The following GRIK2 variants were observed in gnomAD, a reference collection of about 807,000 sequenced individuals.
GRIK2 encodes glutamate ionotropic receptor kainate type subunit 2, also known as glutamate receptor ionotropic, kainate 2.
GRIK2 carries 32 observed loss-of-function variants against 100.3 expected under a neutral mutation model. The observed-to-expected ratio is 0.32, with a 90% CI of 0.24 to 0.43. The LOEUF is 0.43. Among genes scored for constraint, GRIK2 ranks in the 20% least tolerant of loss-of-function variants. The probability of loss-of-function intolerance (pLI) is 1.00; values close to 1 mark genes in which losing one functional copy is unlikely to be tolerated. For synonymous variants in GRIK2, 417 were observed against 389.4 expected (o/e 1.07, Z -0.83); for missense variants, 843 against 1,114.9 (o/e 0.76, Z 3.47).
At chr6:101,626,664 C>T in intron 4 of GRIK2, 27 bp downstream of exon 4, 1 of 1,591,820 alleles carries the variant, frequency 6.3e-7, no homozygotes, top group Non-Finnish European at 8.6e-7. Flanking sequence ...TCTTTTGGAG[C>T]TATGCTTTAA....
intron 4 of GRIK2, among the ~76,000 whole-genome samples, chr6:101,664,374 A>G (rs776340857): frequency 4.6e-5 from 7 of 152,220 alleles, no homozygotes; most frequent in Non-Finnish European, 1.0e-4. Context: ...CAGCTCTTAT[A>G]TCAGTCGCTA....
chr6:101,732,174 A>G (rs1775316238), intron 7 of GRIK2, among the ~76,000 whole-genome samples: 1 of 151,986 alleles, frequency 6.6e-6, no homozygotes, highest in Admixed American at 6.6e-5. Flanking sequence ...CATCAAACTT[A>G]ATATTTCACA....
chr6:101,825,591 A>G (rs902366396), intron 10 of GRIK2, among the ~76,000 whole-genome samples: 4 of 149,026 alleles, frequency 2.7e-5, no homozygotes, highest in African/African-American at 5.1e-5. Context: ...ATTAACTACC[A>G]TGATGAAGAC....
intron 7 of GRIK2, among the ~76,000 whole-genome samples, chr6:101,794,626 C>T (rs1234835330): frequency 6.7e-6 from 1 of 148,824 alleles, no homozygotes; most frequent in Non-Finnish European, 1.5e-5. Context: ...TCATTAATAT[C>T]CTGATTTTTT....
intron 14 of GRIK2, among the ~76,000 whole-genome samples, chr6:101,965,980 C>T (rs1792646321): frequency 6.6e-6 from 1 of 151,440 alleles, no homozygotes; most frequent in East Asian, 1.9e-4. Context: ...CTTTGTAATC[C>T]ACATTAGATA....
chr6:101,998,513 G>A (rs1183593740), intron 14 of GRIK2, among the ~76,000 whole-genome samples: 2 of 151,832 alleles, frequency 1.3e-5, no homozygotes, highest in Non-Finnish European at 2.9e-5. Flanking sequence ...GTTTCGGATT[G>A]TGTTTTTGTT....
intron 15 of GRIK2, among the ~76,000 whole-genome samples, chr6:102,046,143 T>C (rs535343432): frequency 6.6e-6 from 1 of 152,172 alleles, no homozygotes; most frequent in East Asian, 1.9e-4. Flanking sequence ...GACATAATAA[T>C]TGTAAATATA....
At chr6:101,480,101 G>A (rs1772449427) in intron 2 of GRIK2, among the ~76,000 whole-genome samples, 1 of 152,128 alleles carries the variant, frequency 6.6e-6, no homozygotes, top group African/African-American at 2.4e-5. Context: ...ATGGTGAGTG[G>A]GGAAAGGTTA....
intron 12 of GRIK2, among the ~76,000 whole-genome samples, chr6:101,894,608 G>A (rs1787320534): frequency 6.6e-6 from 1 of 151,590 alleles, no homozygotes. Flanking sequence ...TATGATTATA[G>A]AGATGGCAGT....
At chr6:101,862,059 T>A (rs1784763950) in intron 11 of GRIK2, among the ~76,000 whole-genome samples, 1 of 152,192 alleles carries the variant, frequency 6.6e-6, no homozygotes, top group Non-Finnish European at 1.5e-5. Flanking sequence ...GTAAACAGTT[T>A]CCTTTTTTTA....
At chr6:101,597,758 A>G (rs1299176505) in intron 2 of GRIK2, among the ~76,000 whole-genome samples, 1 of 151,730 alleles carries the variant, frequency 6.6e-6, no homozygotes, top group Non-Finnish European at 1.5e-5. Flanking sequence ...TCCATTTCAA[A>G]GCAAGGACGT....
chr6:101,561,137 A>G (rs1206965756), intron 2 of GRIK2, among the ~76,000 whole-genome samples: 1 of 152,204 alleles, frequency 6.6e-6, no homozygotes, highest in African/African-American at 2.4e-5. Flanking sequence ...AAGAATATAA[A>G]AAAAGTCTCT....
chr6:101,547,053 G>T (rs796894674), intron 2 of GRIK2, among the ~76,000 whole-genome samples: 1 of 151,256 alleles, frequency 6.6e-6, no homozygotes, highest in Non-Finnish European at 1.5e-5. Context: ...GGATGGTCTC[G>T]ATCTCTTGAC....
In GRIK2 at chr6:101,571,877, A is replaced by G. The variant is rs538983421; in HGVS notation, c.116-50072A>G. 4.6e-5 allele frequency among the ~76,000 whole-genome samples: 7 copies of G among 152,290 alleles called. No individual in the cohort carries two copies. The South Asian group carries it at 1.4e-3, about 32-fold the overall frequency. ...ATCTATACATAACCATGCAGAACATATCTGTATATAACAAAATCTCATGCA... is the reference window on the plus strand; with the variant it reads ...ATCTATACATAACCATGCAGAACATGTCTGTATATAACAAAATCTCATGCA... On this transcript the variant is annotated intron_variant, in intron 2 of 16. Transcript: ENST00000369134.
intron 12 of GRIK2, among the ~76,000 whole-genome samples, chr6:101,905,069 A>G (rs781733301): frequency 6.6e-6 from 1 of 151,612 alleles, no homozygotes; most frequent in African/African-American, 2.4e-5. Flanking sequence ...GAATACAAGT[A>G]TATAGTACAA....
At chr6:101,926,472 CT>C (rs1370030387) in intron 13 of GRIK2, among the ~76,000 whole-genome samples, 2 of 152,012 alleles carry the variant, frequency 1.3e-5, no homozygotes, top group East Asian at 1.9e-4. Flanking sequence ...AGAAAACATT[CT>C]TTTTTTCTAC....
intron 7 of GRIK2, among the ~76,000 whole-genome samples, chr6:101,736,411 T>C (rs1775634701): frequency 6.6e-6 from 1 of 152,184 alleles, no homozygotes; most frequent in Non-Finnish European, 1.5e-5. Flanking sequence ...AAACTTCTGC[T>C]TGGGCATCCA....
chr6:101,999,695 G>C (rs1000790044), intron 14 of GRIK2, among the ~76,000 whole-genome samples: 2 of 151,888 alleles, frequency 1.3e-5, no homozygotes, highest in Non-Finnish European at 2.9e-5. Context: ...GTGCCTTACT[G>C]TATTGACTGG....
At chr6:101,976,704 A>AT (rs1793400595) in intron 14 of GRIK2, among the ~76,000 whole-genome samples, 1 of 151,558 alleles carries the variant, frequency 6.6e-6, no homozygotes, top group African/African-American at 2.4e-5. Context: ...AAGAAAAAAA[A>AT]TGGTCTGTGG....
Sources: allele counts gnomAD v4.1 joint callset (sites outside exome capture counted in the v4.1 genomes callset), GRCh38; gene constraint gnomAD v4.1.1; transcripts MANE v1.5; gene names NCBI Gene and HGNC (gene_info 2026-07-23, HGNC 2026-07-21).